CNBD1: variants seen among roughly 807,000 people sequenced by gnomAD.
CNBD1 encodes the protein cyclic nucleotide-binding domain-containing protein 1.
Under a neutral mutation model 54.4 loss-of-function variants are expected in CNBD1, and 71 were observed. The observed-to-expected ratio is 1.30, with a 90% CI of 1.08 to 1.59. The LOEUF (loss-of-function observed/expected upper bound fraction) is 1.59, where lower values mean the gene tolerates loss of function less well. CNBD1 is among the 40% of genes most tolerant of loss of function. The pLI, the probability that CNBD1 is intolerant of heterozygous loss-of-function variation, is 0.00. For synonymous variants in CNBD1, 182 were observed against 170.7 expected, an observed-to-expected ratio of 1.07 and a Z score of -0.51; for missense variants, 659 against 518.0, an observed-to-expected ratio of 1.27 and a Z score of -2.64.
intron 10 of CNBD1, among the ~76,000 whole-genome samples, chr8:87,376,296 A>C (rs1444987949): frequency 2.0e-5 from 3 of 151,830 alleles, no homozygotes; most frequent in African/African-American, 7.2e-5. Flanking sequence ...GTTTGCAAAA[A>C]TAGCTGTCTT....
intron 4 of CNBD1, among the ~76,000 whole-genome samples, chr8:86,947,366 A>G (rs1454876857): frequency 6.6e-6 from 1 of 152,034 alleles, no homozygotes; most frequent in Non-Finnish European, 1.5e-5. Flanking sequence ...GTGTGACTCT[A>G]CCTATTTGAT....
At chr8:86,870,187 C>CTTT (rs1420611337) in intron 1 of CNBD1, among the ~76,000 whole-genome samples, 3 of 47,776 alleles carry the variant, frequency 6.3e-5, no homozygotes, top group African/African-American at 2.3e-4. Context: ...CAAGATAGTA[C>CTTT]TCTTTTTTTT....
intron 8 of CNBD1, among the ~76,000 whole-genome samples, chr8:87,309,413 A>G (rs771042683): frequency 2.6e-5 from 4 of 152,116 alleles, no homozygotes; most frequent in South Asian, 2.1e-4. Flanking sequence ...TCGGGTCAAC[A>G]TTTAAATTAC....
chr8:87,421,145 G>C (rs1017151875), intron 2 of CNBD1, among the ~76,000 whole-genome samples: 1 of 152,024 alleles, frequency 6.6e-6, no homozygotes, highest in Non-Finnish European at 1.5e-5. Context: ...TGTACTGGGA[G>C]CTGAGAACCA....
chr8:87,381,861 C>A (rs1221607490), intron 10 of CNBD1, among the ~76,000 whole-genome samples: 1 of 151,672 alleles, frequency 6.6e-6, no homozygotes, highest in Non-Finnish European at 1.5e-5. Context: ...GAAATGGGAA[C>A]CTACTAATCC....
chr8:87,329,434 C>T lies in CNBD1; in HGVS notation c.1043-22251C>T, dbSNP rs149191784. Among the ~76,000 whole-genome samples, 820 of 152,112 alleles carry T rather than the reference C, an allele frequency of 5.4e-3. 6 individuals are homozygous for T. The highest frequency in any genetic ancestry group is 0.019 in the African/African-American group (775 of 41,534). ...TTTTGAATTAGTTTGTCAATGTCTG[C>T]AAGGTAGCTTATGGGAATTTTAATT... On this transcript the variant is annotated intron_variant, in intron 8 of 10. Transcript: ENST00000518476.
intron 4 of CNBD1, among the ~76,000 whole-genome samples, chr8:87,122,516 T>C (rs547663317): frequency 1.3e-5 from 2 of 151,914 alleles, no homozygotes; most frequent in Non-Finnish European, 2.9e-5. Context: ...ATTATTTTTA[T>C]TTTGTGCAGA....
intron 4 of CNBD1, among the ~76,000 whole-genome samples, chr8:87,148,765 C>T (rs1302089327): frequency 1.3e-5 from 2 of 152,088 alleles, no homozygotes; most frequent in African/African-American, 2.4e-5. Flanking sequence ...CATATTCAGA[C>T]CTGAGTATAA....
chr8:87,180,152 A>G (rs377088598), intron 4 of CNBD1, among the ~76,000 whole-genome samples: 7 of 152,300 alleles, frequency 4.6e-5, no homozygotes, highest in African/African-American at 1.7e-4. Context: ...GGAAATGCAT[A>G]TAGAAAAAAA....
At chr8:87,427,995 A>G (rs992561061) in intron 2 of CNBD1, among the ~76,000 whole-genome samples, 1 of 152,014 alleles carries the variant, frequency 6.6e-6, no homozygotes, top group Admixed American at 6.6e-5. Flanking sequence ...GGGTAGCCTG[A>G]TATACTCTCT....
chr8:86,998,612 A>G (rs1175648691), intron 4 of CNBD1, among the ~76,000 whole-genome samples: 3 of 152,208 alleles, frequency 2.0e-5, no homozygotes, highest in Non-Finnish European at 2.9e-5. Context: ...TGGGGCTACA[A>G]ATAAATTTTA....
intron 4 of CNBD1, among the ~76,000 whole-genome samples, chr8:86,993,263 G>T (rs1393937966): frequency 1.3e-5 from 2 of 151,038 alleles, no homozygotes; most frequent in Admixed American, 6.6e-5. Context: ...TAATACTGCT[G>T]AATACATTAT....
chr8:87,049,762 TG>T, intron 4 of CNBD1, among the ~76,000 whole-genome samples: 1 of 152,090 alleles, frequency 6.6e-6, no homozygotes, highest in Non-Finnish European at 1.5e-5. Flanking sequence ...TTTGAGGAGG[TG>T]ATTGTTTGTT....
intron 4 of CNBD1, among the ~76,000 whole-genome samples, chr8:87,200,526 G>T (rs920122542): frequency 1.3e-5 from 2 of 151,924 alleles, no homozygotes; most frequent in African/African-American, 2.4e-5. Context: ...GGCTGACTAA[G>T]AAAAAAGCAA....
intron 4 of CNBD1, among the ~76,000 whole-genome samples, chr8:87,087,478 T>C (rs1164574336): frequency 1.3e-5 from 2 of 148,380 alleles, no homozygotes; most frequent in South Asian, 4.2e-4. Flanking sequence ...TTTTTTTTTT[T>C]TTTGAGTTGG....
At chr8:87,390,684 G>GCA (rs1811289952) in intron 2 of CNBD1, among the ~76,000 whole-genome samples, 2 of 152,122 alleles carry the variant, frequency 1.3e-5, no homozygotes, top group African/African-American at 4.8e-5. Context: ...TGAGTGTGAT[G>GCA]ATTCCTCAGG....
At chr8:86,950,803 G>T (rs922405028) in intron 4 of CNBD1, among the ~76,000 whole-genome samples, 15 of 152,090 alleles carry the variant, frequency 9.9e-5, no homozygotes, top group Non-Finnish European at 2.9e-5. Context: ...TTTTATTACA[G>T]ATTTGATCTT....
intron 2 of CNBD1, among the ~76,000 whole-genome samples, chr8:87,407,422 G>A (rs1807669548): frequency 6.6e-6 from 1 of 151,900 alleles, no homozygotes; most frequent in African/African-American, 2.4e-5. Flanking sequence ...TGGTGTTCTA[G>A]TTTGTGTCTA....
intron 4 of CNBD1, among the ~76,000 whole-genome samples, chr8:86,982,125 C>T (rs565142910): frequency 2.6e-4 from 40 of 152,218 alleles, no homozygotes; most frequent in African/African-American, 8.7e-4. Flanking sequence ...TGTTATTTTA[C>T]TATGGATTTA....
Sources: allele counts gnomAD v4.1 joint callset (sites outside exome capture counted in the v4.1 genomes callset), GRCh38; gene constraint gnomAD v4.1.1; transcripts MANE v1.5; gene names NCBI Gene and HGNC (gene_info 2026-07-23, HGNC 2026-07-21).